The following ZNF98 variants were observed in gnomAD, a reference collection of about 807,000 sequenced individuals.
ZNF98 encodes the protein zinc finger protein 98.
ZNF98 carries 8 observed loss-of-function variants against 12.8 expected under a neutral mutation model. The ratio of observed to expected loss-of-function variants is 0.63; its 90% CI spans 0.37 to 1.13. ZNF98 has a LOEUF of 1.13. Among genes scored for constraint, ZNF98 ranks in the 50% most tolerant of loss-of-function variants. ZNF98 has a pLI of 0.01. For missense variants in ZNF98, 379 were observed against 666.1 expected (o/e 0.57, Z 4.74); for synonymous variants, 112 against 223.5 (o/e 0.50, Z 4.45).
chr19:22,405,777 C>G (rs1471323353), intron 1 of ZNF98, among the ~76,000 whole-genome samples: 1 of 152,140 alleles, frequency 6.6e-6, no homozygotes, highest in Non-Finnish European at 1.5e-5. Context: ...CGGGGAGGGG[C>G]AGCAACCATC....
Position 22,403,390 on chromosome 19 carries a change from A to G in ZNF98, c.153T>C (p.Phe51=), listed in dbSNP as rs1368476. 0.39 allele frequency: 487,803 copies of G among 1,248,776 alleles called. 131,509 individuals are homozygous for G. The highest frequency in any genetic ancestry group is 0.41 in the Non-Finnish European group (360,814 of 873,492). 77.4% of individuals were successfully genotyped at this position (1,248,776 alleles called of 1,614,324 possible). ...VMLENYRNLV[F]VGIAASKPDL... The stretch of plus-strand genomic sequence containing the variant: ...GTATATTGAAGTTATCCTCACCCAC[A>G]AAGACCAGGTTTCTGTAGTTCTCTA... The change falls in exon 2 of 4, where the codon TTT becomes TTC. Residue 51 remains phenylalanine (F), a synonymous_variant. Coordinates refer to ENST00000357774, the MANE Select transcript of ZNF98 (RefSeq NM_001098626.2).
chr19:22,408,319 C>A (rs1599388247), intron 1 of ZNF98, among the ~76,000 whole-genome samples: 2 of 152,140 alleles, frequency 1.3e-5, no homozygotes, highest in Admixed American at 6.5e-5. Flanking sequence ...GTGTTTATGA[C>A]AAACCCACAG....
intron 1 of ZNF98, among the ~76,000 whole-genome samples, chr19:22,409,594 G>GA (rs1969558651): frequency 6.6e-6 from 1 of 151,878 alleles, no homozygotes; most frequent in Non-Finnish European, 1.5e-5. Context: ...AAATTTACAA[G>GA]AAAAAAACAA....
chr19:22,392,694 A>G lies in ZNF98; in HGVS notation c.541T>C (p.Ser181Pro), dbSNP rs1159412729. The G allele has an allele frequency of 1.3e-6, 2 of 1,599,804 alleles. No individual in the cohort carries two copies. Among genetic ancestry groups the G allele is most frequent in the South Asian group, 1.1e-5 (1 of 90,128 alleles). The change falls in exon 4 of 4, where the codon TCT becomes CCT. Residue 181 changes from serine to proline, a missense_variant. Ser to Pro is a moderately conservative substitution (Grantham distance 74). Coordinates refer to ENST00000357774, the MANE Select transcript of ZNF98 (RefSeq NM_001098626.2). ...RHKIGHTGKK[S>P]FKCKECEKSF... ...TTTTCACATTCTTTACACTTGAAAGATTTCTTTCCAGTATGTCCTATCTTA... is the reference window on the plus strand; with the variant it reads ...TTTTCACATTCTTTACACTTGAAAGGTTTCTTTCCAGTATGTCCTATCTTA...
At chr19:22,418,361 A>C (rs1356969076) in intron 1 of ZNF98, among the ~76,000 whole-genome samples, 3 of 152,216 alleles carry the variant, frequency 2.0e-5, no homozygotes, top group Non-Finnish European at 4.4e-5. Context: ...AAAGAGTCAA[A>C]TGTAAGAAAT....
chr19:22,406,564 T>C (rs1014007205), intron 1 of ZNF98, among the ~76,000 whole-genome samples: 24 of 152,154 alleles, frequency 1.6e-4, no homozygotes, highest in Non-Finnish European at 2.2e-4. Flanking sequence ...ATGCCTGTAA[T>C]CCCAGCACTT....
chr19:22,411,234 A>C (rs1599389211), intron 1 of ZNF98, among the ~76,000 whole-genome samples: 1 of 65,378 alleles, frequency 1.5e-5, no homozygotes, highest in South Asian at 3.7e-4. Context: ...CCAGGATCTC[A>C]CCATGTTGGT....
chr19:22,417,916 G>A (rs1226646587), intron 1 of ZNF98, among the ~76,000 whole-genome samples: 2 of 152,088 alleles, frequency 1.3e-5, no homozygotes, highest in African/African-American at 4.8e-5. Flanking sequence ...CTCTCATCCT[G>A]GGAGACCTGG....
At chr19:22,413,912 A>T (rs1211984293) in intron 1 of ZNF98, among the ~76,000 whole-genome samples, 3 of 150,860 alleles carry the variant, frequency 2.0e-5, no homozygotes, top group Non-Finnish European at 4.4e-5. Context: ...GACACAAACA[A>T]ATGGAAAACC....
Position 22,414,343 on chromosome 19 carries a change from A to G in ZNF98, c.30+7852T>C, listed in dbSNP as rs1247918237. ...ATTTGCTATTTTTATCAAACTACCA[A>G]AAACATTTCTTAACAGAACTAAAAA... On this transcript the variant is annotated intron_variant, in intron 1 of 3. Transcript: ENST00000357774. Among the ~76,000 whole-genome samples the G allele has an allele frequency of 2.0e-5, 3 of 152,218 alleles. No homozygotes were observed. In the East Asian group the frequency reaches 5.8e-4, roughly 29 times the overall value.
intron 3 of ZNF98, among the ~76,000 whole-genome samples, chr19:22,394,324 TC>T (rs200983056): frequency 0.019 from 2,848 of 151,344 alleles, 94 homozygotes; most frequent in African/African-American, 0.065. Context: ...GAGCCAGCCA[TC>T]CCATTACGGG....
intron 1 of ZNF98, among the ~76,000 whole-genome samples, chr19:22,410,670 C>T (rs1410272577): frequency 1.3e-5 from 2 of 152,134 alleles, no homozygotes; most frequent in Admixed American, 6.5e-5. Context: ...CACACATATA[C>T]GTATGTAATA....
At chr19:22,413,407 T>C (rs1161464205) in intron 1 of ZNF98, among the ~76,000 whole-genome samples, 1 of 152,022 alleles carries the variant, frequency 6.6e-6, no homozygotes, top group Non-Finnish European at 1.5e-5. Flanking sequence ...ACAAAATAAA[T>C]GTACAAAAAT....
intron 1 of ZNF98, among the ~76,000 whole-genome samples, chr19:22,417,636 G>GGT (rs1480538559): frequency 6.6e-6 from 1 of 152,108 alleles, no homozygotes; most frequent in Non-Finnish European, 1.5e-5. Flanking sequence ...ACCCTCAGTT[G>GGT]GTGGGGAAAA....
At chr19:22,414,662 T>G (rs1969619957) in intron 1 of ZNF98, among the ~76,000 whole-genome samples, 1 of 152,042 alleles carries the variant, frequency 6.6e-6, no homozygotes, top group Non-Finnish European at 1.5e-5. Flanking sequence ...CAAATGATAC[T>G]GGAATAACTA....
chr19:22,408,671 C>A (rs535955975), intron 1 of ZNF98, among the ~76,000 whole-genome samples: 1 of 151,852 alleles, frequency 6.6e-6, no homozygotes, highest in Non-Finnish European at 1.5e-5. Context: ...AGAGCCAAAT[C>A]GTAAATAAAC....
At position 22,391,890 on chromosome 19, in the gene ZNF98, G is replaced by GCT; in HGVS notation, c.1344_1345insAG (p.Leu449SerfsTer7). On this transcript the variant is annotated frameshift_variant, in exon 4 of 4. Transcript: ENST00000357774. LOFTEE classifies it low-confidence loss of function (END_TRUNC). ...GTATGAATTATCTTATGTGTAGTAA[G>GCT]TTGTGATGATAGGTTAAAAGCTTTG... is the stretch of plus-strand genomic sequence containing the variant. The GCT allele has an allele frequency of 7.6e-7, 1 of 1,310,912 alleles. No homozygotes were observed. 81.2% of individuals were successfully genotyped at this position (1,310,912 alleles called of 1,614,324 possible).
At chr19:22,401,766 T>A (rs1177686144) in intron 3 of ZNF98, among the ~76,000 whole-genome samples, 1 of 151,662 alleles carries the variant, frequency 6.6e-6, no homozygotes, top group Non-Finnish European at 1.5e-5. Flanking sequence ...ATTACAGGCG[T>A]GAGCCACCAT....
chr19:22,404,935 G>A (rs1969503025), intron 1 of ZNF98, among the ~76,000 whole-genome samples: 1 of 151,858 alleles, frequency 6.6e-6, no homozygotes. Flanking sequence ...TCTTTACTAC[G>A]GACTCCAGCT....
Sources: gnomAD v4.1 joint callset for allele counts (sites outside exome capture counted in the v4.1 genomes callset) on GRCh38, gnomAD v4.1.1 for gene constraint, MANE v1.5 for transcripts, NCBI Gene and HGNC (gene_info 2026-07-23, HGNC 2026-07-21) for gene names.